The following SHC4 variants were observed in gnomAD, a reference collection of about 807,000 sequenced individuals.
The protein encoded by SHC4 is SHC adaptor protein 4.
Under a neutral mutation model 69.4 loss-of-function variants are expected in SHC4, and 41 were observed. That is an observed-to-expected ratio of 0.59 (90% CI 0.46 to 0.77). SHC4 has a LOEUF of 0.77. Among genes scored for constraint, SHC4 ranks in the 30% least tolerant of loss-of-function variants. The probability of loss-of-function intolerance (pLI) is 0.00; values close to 1 mark genes in which losing one functional copy is unlikely to be tolerated. For synonymous variants in SHC4, 318 were observed against 299.3 expected (o/e 1.06, Z -0.64); for missense variants, 777 against 783.8 (o/e 0.99, Z 0.10).
intron 1 of SHC4, among the ~76,000 whole-genome samples, chr15:48,941,007 C>T (rs968789956): frequency 2.0e-5 from 3 of 152,132 alleles, no homozygotes; most frequent in Non-Finnish European, 4.4e-5. Flanking sequence ...ATTCTGACTC[C>T]TGATAATATG....
rs978421196 is a variant in SHC4 at position 48,855,952 on chromosome 15, C to T, written c.1242+1G>A. On this transcript the variant is annotated splice_donor_variant, in intron 8 of 11. Transcript: ENST00000332408. LOFTEE classifies it high-confidence loss of function. ...TCCAACAACAATAAAACATTACATA[C>T]CAAATAGCACAACTTTTCACACTGT... 5 of 1,606,378 alleles carry T rather than the reference C, an allele frequency of 3.1e-6. No individual in the cohort carries two copies. The African/African-American group carries it at 4.0e-5, about 13-fold the overall frequency.
At chr15:48,940,918 T>C (rs1156691399) in intron 1 of SHC4, among the ~76,000 whole-genome samples, 1 of 152,216 alleles carries the variant, frequency 6.6e-6, no homozygotes, top group Non-Finnish European at 1.5e-5. Flanking sequence ...TTTGCGGAAA[T>C]GCAGCTCAAA....
At chr15:48,892,891 A>G (rs1362562135) in intron 2 of SHC4, among the ~76,000 whole-genome samples, 1 of 151,856 alleles carries the variant, frequency 6.6e-6, no homozygotes, top group Non-Finnish European at 1.5e-5. Context: ...AGTTGACTAT[A>G]AATGATATGA....
chr15:48,850,074 G>A (rs902774357), intron 9 of SHC4, among the ~76,000 whole-genome samples: 3 of 152,096 alleles, frequency 2.0e-5, no homozygotes, highest in African/African-American at 7.2e-5. Context: ...ATGGTGGCGG[G>A]TGCCTGTAAT....
At chr15:48,864,638 G>T (rs1356405081) in intron 6 of SHC4, among the ~76,000 whole-genome samples, 21 of 151,386 alleles carry the variant, frequency 1.4e-4, no homozygotes, top group African/African-American at 4.8e-4. Flanking sequence ...TAGTAGAGAC[G>T]GGGTTTCACC....
intron 1 of SHC4, among the ~76,000 whole-genome samples, chr15:48,961,730 G>A (rs980336269): frequency 6.6e-6 from 1 of 152,198 alleles, no homozygotes; most frequent in Non-Finnish European, 1.5e-5. Flanking sequence ...AATCTGAGCT[G>A]CAAAAGGGCA....
intron 4 of SHC4, among the ~76,000 whole-genome samples, chr15:48,876,182 T>C (rs1301149358): frequency 6.6e-6 from 1 of 152,208 alleles, no homozygotes; most frequent in Non-Finnish European, 1.5e-5. Flanking sequence ...CTCTGTCACT[T>C]CAGGGACGAA....
In SHC4 at chr15:48,963,728, T is replaced by C. The variant is rs1901585958; in HGVS notation, c.-713A>G. On this transcript the variant is annotated 5_prime_UTR_variant, in exon 1 of 12. Coordinates refer to ENST00000332408, the MANE Select transcript of SHC4 (RefSeq NM_203349.4). ...TTGTGATGGGTCCGTGTTCCTCAGATCCCCTCCCAGCCTGCCTACCCTCGC... is the reference window on the plus strand; with the variant it reads ...TTGTGATGGGTCCGTGTTCCTCAGACCCCCTCCCAGCCTGCCTACCCTCGC... Among the ~76,000 whole-genome samples, 1 of 151,996 alleles carries C rather than the reference T, an allele frequency of 6.6e-6. No homozygotes were observed.
chr15:48,844,208 C>T (rs1899045981), intron 9 of SHC4, among the ~76,000 whole-genome samples: 1 of 152,144 alleles, frequency 6.6e-6, no homozygotes, highest in Non-Finnish European at 1.5e-5. Flanking sequence ...AGAACTCAAG[C>T]CTCAGGTTAT....
chr15:48,900,104 C>A (rs1900296668), intron 2 of SHC4, among the ~76,000 whole-genome samples: 1 of 152,156 alleles, frequency 6.6e-6, no homozygotes, highest in African/African-American at 2.4e-5. Context: ...TGATGATATT[C>A]CGTTCTGGGG....
At position 48,935,778 on chromosome 15, in the gene SHC4, A is replaced by T. The variant is rs1444653697; in HGVS notation, c.586-10829T>A. Among the ~76,000 whole-genome samples the T allele has an allele frequency of 3.3e-5, 5 of 152,256 alleles. No homozygotes were observed. The East Asian group carries it at 7.7e-4, about 24-fold the overall frequency. On this transcript the variant is annotated intron_variant, in intron 1 of 11. Coordinates refer to ENST00000332408, the MANE Select transcript of SHC4 (RefSeq NM_203349.4). ...GCAAGTTTAGAGAGAGCTCAGTGAG[A>T]TGGACAGAGAGATGAGCTGCTTGGA... is the stretch of plus-strand genomic sequence containing the variant.
At chr15:48,917,031 G>T (rs1900636310) in intron 2 of SHC4, among the ~76,000 whole-genome samples, 1 of 152,152 alleles carries the variant, frequency 6.6e-6, no homozygotes. Context: ...CTGTTCTTCA[G>T]GGTTGAAAGT....
intron 1 of SHC4, among the ~76,000 whole-genome samples, chr15:48,934,522 G>A (rs1394715869): frequency 6.6e-6 from 1 of 152,048 alleles, no homozygotes; most frequent in Non-Finnish European, 1.5e-5. Flanking sequence ...ACACCACTAG[G>A]GGAAACAGCT....
intron 2 of SHC4, among the ~76,000 whole-genome samples, chr15:48,921,789 T>C (rs1900758256): frequency 6.6e-6 from 1 of 152,250 alleles, no homozygotes; most frequent in African/African-American, 2.4e-5. Context: ...ATTAAAATAG[T>C]AAATCTTGTT....
At chr15:48,946,440 G>A (rs990715501) in intron 1 of SHC4, 1 of 418,272 alleles carries the variant, frequency 2.4e-6, no homozygotes, top group Non-Finnish European at 3.2e-6. Flanking sequence ...CAATGCCCAC[G>A]TCCTTCCTCA....
At chr15:48,924,764 T>C (rs1324283234) in intron 2 of SHC4, 115 bp downstream of exon 2, 2 of 1,051,378 alleles carry the variant, frequency 1.9e-6, no homozygotes, top group Non-Finnish European at 2.9e-6. Flanking sequence ...TACACTCCAG[T>C]CGCGTGAATA....
chr15:48,908,655 G>A (rs1900453711), intron 2 of SHC4, among the ~76,000 whole-genome samples: 1 of 152,142 alleles, frequency 6.6e-6, no homozygotes. Flanking sequence ...TTTTTCCAAT[G>A]TTATCTTCTA....
At chr15:48,958,839 A>G (rs548993766) in intron 1 of SHC4, among the ~76,000 whole-genome samples, 1 of 152,202 alleles carries the variant, frequency 6.6e-6, no homozygotes, top group African/African-American at 2.4e-5. Context: ...GACACCATTT[A>G]ATGGGCTTTG....
intron 2 of SHC4, among the ~76,000 whole-genome samples, chr15:48,899,396 G>A (rs569227856): frequency 6.6e-6 from 1 of 152,260 alleles, no homozygotes; most frequent in East Asian, 1.9e-4. Flanking sequence ...GAACCGGGAG[G>A]TGGAGGTTGC....
Sources: gnomAD v4.1 joint callset for allele counts (sites outside exome capture counted in the v4.1 genomes callset) on GRCh38, gnomAD v4.1.1 for gene constraint, MANE v1.5 for transcripts, NCBI Gene and HGNC (gene_info 2026-07-23, HGNC 2026-07-21) for gene names.